NYX: variants seen among roughly 807,000 people sequenced by gnomAD.
NYX encodes leucine-rich repeat protein.
For synonymous variants in NYX, 258 were observed against 245.7 expected, an observed-to-expected ratio of 1.05 and a Z score of -0.47; for missense variants, 481 against 485.4, an observed-to-expected ratio of 0.99 and a Z score of 0.09.
At chrX:41,452,333 A>C in intron 2 of NYX, among the ~76,000 whole-genome samples, 1 of 111,242 alleles carries the variant, frequency 9.0e-6, no homozygotes, top group Non-Finnish European at 1.9e-5. Flanking sequence ...TGCACGCTTA[A>C]AATGGGTACA....
chrX:41,448,338 G>A (rs2064266001), intron 2 of NYX, among the ~76,000 whole-genome samples: 3 of 110,174 alleles, frequency 2.7e-5, no homozygotes, highest in Admixed American at 1.9e-4. Flanking sequence ...CGCCTCCCGG[G>A]TTCACGCCAT....
At position 41,474,617 on chromosome X, in the gene NYX, C is replaced by T. The variant is rs1323104674; in HGVS notation, c.1149C>T (p.Asp383=). 3.3e-6 allele frequency: 4 copies of T among 1,197,558 alleles called. No individual in the cohort carries two copies. The highest frequency in any genetic ancestry group is 4.5e-6 in the Non-Finnish European group (4 of 889,536). Residue 383 remains aspartate (D), a synonymous_variant, in exon 3 of 3, where the codon GAC becomes GAT. Coordinates refer to ENST00000378220, the MANE Select transcript of NYX (RefSeq NM_001378477.3). ...GCTCCTCCGATGGCCTCTGTGTGGACCCCGAGGAGCTGAACCTCACCACGT... is the reference window on the plus strand; with the variant it reads ...GCTCCTCCGATGGCCTCTGTGTGGATCCCGAGGAGCTGAACCTCACCACGT... ...FGRSSDGLCV[D]PEELNLTTSS...
chrX:41,463,009 CT>C lies in NYX; in HGVS notation c.23-10480del, dbSNP rs1442320103. 9.3e-5 allele frequency among the ~76,000 whole-genome samples: 9 copies of C among 97,198 alleles called. No individual in the cohort carries two copies. The East Asian group carries it at 3.2e-3, about 35-fold the overall frequency. 84.4% of individuals were successfully genotyped at this position (97,198 alleles called of 115,157 possible). On this transcript the variant is annotated intron_variant, in intron 2 of 2. Transcript: ENST00000378220. The stretch of plus-strand genomic sequence containing the variant: ...AATTTTATGGTTATTGCTTTTTCTT[CT>C]TCTCTCTCTCTTTTTTTTTGTCCCA...
chrX:41,457,741 G>A (rs925634275), intron 2 of NYX, among the ~76,000 whole-genome samples: 2 of 111,364 alleles, frequency 1.8e-5, no homozygotes, highest in African/African-American at 6.5e-5. Flanking sequence ...GTTCAACTGC[G>A]GTGCAAACAG....
rs2064375061 is a variant in NYX, at chrX:41,473,930, G to C, written c.462G>C (p.Pro154=). The C allele has an allele frequency of 1.8e-6, 2 of 1,111,851 alleles. No individual in the cohort carries two copies. The highest frequency in any genetic ancestry group is 2.5e-4 in the Middle Eastern group (1 of 3,999). 91.6% of individuals were successfully genotyped at this position (1,111,851 alleles called of 1,213,427 possible). A position where few individuals can be genotyped will look rare whatever the true frequency, so the allele number is the denominator to read the frequency against. Reference sequence around the variant, plus strand: ...CCGAGCGCCTCCTGGCCGAACTGCCGGCCCTGCGCGAACTCGCCGCCTTCG... The same window carrying C: ...CCGAGCGCCTCCTGGCCGAACTGCCCGCCCTGCGCGAACTCGCCGCCTTCG... ...SVPERLLAEL[P]ALRELAAFDN... Residue 154 remains proline (P), a synonymous_variant, in exon 3 of 3, where the codon CCG becomes CCC. Coordinates refer to ENST00000378220, the MANE Select transcript of NYX (RefSeq NM_001378477.3).
intron 2 of NYX, among the ~76,000 whole-genome samples, chrX:41,470,047 A>C (rs188921006): frequency 8.2e-5 from 9 of 109,895 alleles, no homozygotes; most frequent in African/African-American, 3.0e-4. Flanking sequence ...TTCTTTTGAG[A>C]TGTGCAAGAA....
chrX:41,456,355 A>G (rs1487972765), intron 2 of NYX, among the ~76,000 whole-genome samples: 1 of 111,334 alleles, frequency 9.0e-6, no homozygotes, highest in Non-Finnish European at 1.9e-5. Context: ...AGATGGTTCT[A>G]GAGAGATTAA....
chrX:41,460,662 A>G (rs1408243567), intron 2 of NYX, among the ~76,000 whole-genome samples: 1 of 110,469 alleles, frequency 9.1e-6, no homozygotes, highest in African/African-American at 3.3e-5. Context: ...ATACATACAT[A>G]CAATTCATAT....
intron 2 of NYX, chrX:41,472,663 G>A: frequency 2.4e-6 from 1 of 421,702 alleles, no homozygotes; most frequent in Non-Finnish European, 4.1e-6. Context: ...TTGTCTTGGC[G>A]AGGTCCGTGG....
chrX:41,458,477 T>C (rs2064306511), intron 2 of NYX, among the ~76,000 whole-genome samples: 1 of 111,563 alleles, frequency 9.0e-6, no homozygotes, highest in South Asian at 3.8e-4. Flanking sequence ...AAATTCTTTT[T>C]GAGACGGAGT....
At chrX:41,471,122 GA>G (rs1165296827) in intron 2 of NYX, among the ~76,000 whole-genome samples, 4 of 110,882 alleles carry the variant, frequency 3.6e-5, no homozygotes, top group African/African-American at 1.3e-4. Context: ...TCTTTTTTTG[GA>G]GGGGGGGGAT....
At chrX:41,460,690 G>A (rs766785798) in intron 2 of NYX, among the ~76,000 whole-genome samples, 3 of 108,085 alleles carry the variant, frequency 2.8e-5, no homozygotes, top group Non-Finnish European at 5.7e-5. Flanking sequence ...GTATCCTCAC[G>A]AAACCATCAC....
At chrX:41,462,415 A>G (rs180850331) in intron 2 of NYX, among the ~76,000 whole-genome samples, 1 of 112,501 alleles carries the variant, frequency 8.9e-6, no homozygotes, top group African/African-American at 3.2e-5. Flanking sequence ...TTCCACCGGC[A>G]GTGTAAGACA....
At chrX:41,472,050 T>C (rs1361226019) in intron 2 of NYX, 1 of 247,678 alleles carries the variant, frequency 4.0e-6, no homozygotes, top group Admixed American at 6.3e-5. Context: ...AGGTAGAGCA[T>C]TCCTTCCAAT....
At chrX:41,471,123 A>AG (rs895644132) in intron 2 of NYX, among the ~76,000 whole-genome samples, 16 of 109,325 alleles carry the variant, frequency 1.5e-4, no homozygotes, top group African/African-American at 4.0e-4. Flanking sequence ...CTTTTTTTGG[A>AG]GGGGGGGGAT....
Position 41,474,873 on chromosome X carries a change from G to T in NYX, c.1405G>T (p.Val469Leu). The T allele has an allele frequency of 8.3e-7, 1 of 1,205,938 alleles. No individual in the cohort carries two copies. Among genetic ancestry groups the T allele is most frequent in the Non-Finnish European group, 1.1e-6 (1 of 893,275 alleles). ...TCTCCTGCCCAGCGTGGCCCAGCAC[G>T]TGGTGTTTGGCCTGCAGATGGACTG... is the stretch of plus-strand genomic sequence containing the variant. ...SCLLPSVAQH[V>L]VFGLQMD Residue 469 changes from valine (V) to leucine (L), a missense_variant, in exon 3 of 3, where the codon GTG (valine) becomes TTG (leucine). Val to Leu is a conservative substitution (Grantham distance 32). Transcript: ENST00000378220.
Position 41,474,701 on chromosome X carries a change from C to G in NYX, c.1233C>G (p.Leu411=). 8.3e-7 allele frequency: 1 copy of G among 1,198,819 alleles called. No homozygotes were observed. Among genetic ancestry groups the G allele is most frequent in the Non-Finnish European group, 1.1e-6 (1 of 890,185 alleles). ...AATTVSRFSS[L]LSKLLAPRVP... is the part of the protein sequence containing the mutation. ...CCACCGTGAGCAGGTTCAGCAGCCT[C>G]CTCTCCAAGCTGCTGGCCCCGAGGG... is the stretch of plus-strand genomic sequence containing the variant. Residue 411 remains leucine, a synonymous_variant, in exon 3 of 3, where the codon CTC becomes CTG. Coordinates refer to ENST00000378220, the MANE Select transcript of NYX (RefSeq NM_001378477.3).
intron 2 of NYX, among the ~76,000 whole-genome samples, chrX:41,448,551 T>A (rs765806404): frequency 9.6e-6 from 1 of 104,334 alleles, no homozygotes; most frequent in East Asian, 3.0e-4. Context: ...TTTTTTCTTT[T>A]CTTTTCTTTT....
intron 2 of NYX, among the ~76,000 whole-genome samples, chrX:41,458,820 C>T (rs372068638): frequency 9.7e-6 from 1 of 102,744 alleles, no homozygotes; most frequent in Non-Finnish European, 2.0e-5. Context: ...TGGCTCACGC[C>T]TGTAATCCCA....
Sources: gnomAD v4.1 joint callset for allele counts (sites outside exome capture counted in the v4.1 genomes callset) on GRCh38, gnomAD v4.1.1 for gene constraint, MANE v1.5 for transcripts, NCBI Gene and HGNC (gene_info 2026-07-23, HGNC 2026-07-21) for gene names.